Variants in ADAMTS18 observed in about 807,000 individuals in gnomAD.
ADAMTS18 encodes A disintegrin and metalloproteinase with thrombospondin motifs 18.
A neutral mutation model predicts 165.9 loss-of-function variants in ADAMTS18; 157 were observed. The observed-to-expected ratio is 0.95, with a 90% CI of 0.83 to 1.08. The LOEUF (loss-of-function observed/expected upper bound fraction) is 1.08. Ranked by LOEUF, ADAMTS18 falls within the 50% of genes least tolerant of loss-of-function variation. The probability of loss-of-function intolerance (pLI) is 0.00; values close to 1 mark genes in which losing one functional copy is unlikely to be tolerated. For synonymous variants in ADAMTS18, 782 were observed against 578.2 expected, an observed-to-expected ratio of 1.35 and a Z score of -5.06; for missense variants, 2,040 against 1,534.0, an observed-to-expected ratio of 1.33 and a Z score of -5.51.
At position 77,376,250 on chromosome 16, in the gene ADAMTS18, G is replaced by A. The variant is rs937761750; in HGVS notation, c.496-8527C>T. On this transcript the variant is annotated intron_variant, in intron 3 of 22. Coordinates refer to ENST00000282849, the MANE Select transcript of ADAMTS18 (RefSeq NM_199355.4). ...GAGCAGAAGGAAGAGAGAGTGAAGGGGTATGTGCTACACACTTTTAAACAA... is the reference window on the plus strand; with the variant it reads ...GAGCAGAAGGAAGAGAGAGTGAAGGAGTATGTGCTACACACTTTTAAACAA... Among the ~76,000 whole-genome samples, 20 of 152,108 alleles carry A rather than the reference G, an allele frequency of 1.3e-4. 1 individual carries two copies. Among genetic ancestry groups the A allele is most frequent in the Admixed American group, 8.5e-4 (13 of 15,276 alleles).
intron 4 of ADAMTS18, among the ~76,000 whole-genome samples, chr16:77,366,955 T>C (rs546720536): frequency 6.6e-6 from 1 of 152,302 alleles, no homozygotes; most frequent in East Asian, 1.9e-4. Flanking sequence ...TCGTGTTACA[T>C]TTCTATTGGA....
rs1440576626 is a variant in ADAMTS18 at position 77,341,780 on chromosome 16, C to G, written c.1634G>C (p.Trp545Ser). The G allele has an allele frequency of 6.2e-7, 1 of 1,612,298 alleles. No individual in the cohort carries two copies. Residue 545 changes from tryptophan (W) to serine (S), a missense_variant, in exon 11 of 23, where the codon TGG becomes TCG. Transcript: ENST00000282849. ...GFVKDICKSL[W>S]CHRVGHRCET... ...ACACCTGTGGCCTACTCGGTGGCACCAAAGTGATTTGCAAATATCCTGAAA... is the reference window on the plus strand; with the variant it reads ...ACACCTGTGGCCTACTCGGTGGCACGAAAGTGATTTGCAAATATCCTGAAA...
At chr16:77,331,319 TA>T (rs1567488298) in intron 12 of ADAMTS18, among the ~76,000 whole-genome samples, 2 of 152,164 alleles carry the variant, frequency 1.3e-5, no homozygotes, top group African/African-American at 4.8e-5. Flanking sequence ...ATTGAGATTG[TA>T]AAATGTTGTA....
chr16:77,338,218 A>G (rs187367315), intron 11 of ADAMTS18, among the ~76,000 whole-genome samples: 1 of 151,778 alleles, frequency 6.6e-6, no homozygotes, highest in African/African-American at 2.4e-5. Context: ...CTTTTCATAC[A>G]TACATATTTT....
intron 22 of ADAMTS18, 56 bp downstream of exon 22, chr16:77,289,207 CT>C: frequency 6.2e-7 from 1 of 1,605,718 alleles, no homozygotes; most frequent in East Asian, 2.2e-5. Flanking sequence ...ACAAAGTAGC[CT>C]TTGAAAAAAT....
chr16:77,364,243 AC>A lies in ADAMTS18; in HGVS notation c.916del (p.Val306TrpfsTer16), dbSNP rs868732406. The A allele has an allele frequency of 2.5e-6, 4 of 1,613,760 alleles. No individual in the cohort carries two copies. Among genetic ancestry groups the A allele is most frequent in the Admixed American group, 1.7e-5 (1 of 59,956 alleles). ...GACATTTCCCTTGCCATGCTTTTCC[AC>A]CATTTTCTTGTCTGCCACCACGAGG... ...ETLVVADKKM[V>X]EKHGKGNVTT... is the part of the protein sequence containing the mutation. On this transcript the variant is annotated frameshift_variant, in exon 5 of 23. Transcript: ENST00000282849. LOFTEE classifies it high-confidence loss of function.
chr16:77,427,253 G>A (rs2057685111), intron 3 of ADAMTS18, among the ~76,000 whole-genome samples: 1 of 152,100 alleles, frequency 6.6e-6, no homozygotes, highest in South Asian at 2.1e-4. Flanking sequence ...TCACTGTCCT[G>A]ACAAAAAGGA....
At chr16:77,418,080 G>T (rs1219419192) in intron 3 of ADAMTS18, among the ~76,000 whole-genome samples, 3 of 152,110 alleles carry the variant, frequency 2.0e-5, no homozygotes, top group Admixed American at 1.3e-4. Context: ...TAGAGATCCA[G>T]TCATTTTCAG....
chr16:77,434,288 G>A (rs2057770523), intron 2 of ADAMTS18, 130 bp downstream of exon 2: 1 of 1,091,278 alleles, frequency 9.2e-7, no homozygotes, highest in Admixed American at 2.1e-5. Context: ...CTCCAAACAG[G>A]AACCATTTCC....
chr16:77,367,909 C>G (rs1405489197), intron 3 of ADAMTS18, among the ~76,000 whole-genome samples, 186 bp from the exon 4 acceptor site: 1 of 152,168 alleles, frequency 6.6e-6, no homozygotes, highest in African/African-American at 2.4e-5. Flanking sequence ...ACAGGTCTCA[C>G]TTTAAAACCA....
intron 3 of ADAMTS18, among the ~76,000 whole-genome samples, chr16:77,373,836 C>T (rs749117204): frequency 1.3e-5 from 2 of 152,130 alleles, no homozygotes; most frequent in Non-Finnish European, 2.9e-5. Flanking sequence ...CCCCACCATC[C>T]CTCATATGCA....
chr16:77,290,901 A>G (rs2055349130), intron 21 of ADAMTS18: 1 of 275,776 alleles, frequency 3.6e-6, no homozygotes, highest in African/African-American at 2.2e-5. Flanking sequence ...TAAGAACCAA[A>G]TGAGTAAAGG....
intron 2 of ADAMTS18, among the ~76,000 whole-genome samples, chr16:77,432,984 T>C (rs1296662299): frequency 6.6e-6 from 1 of 152,194 alleles, no homozygotes; most frequent in East Asian, 1.9e-4. Flanking sequence ...CTCCCTCCTT[T>C]AACTAAAAAT....
chr16:77,314,788 A>ATATATATATATATATG (rs2055857442), intron 16 of ADAMTS18, among the ~76,000 whole-genome samples: 1 of 88,464 alleles, frequency 1.1e-5, no homozygotes, highest in African/African-American at 4.7e-5. Flanking sequence ...ATATATATAA[A>ATATATATATATATATG]ATATATGTGA....
chr16:77,363,621 G>T (rs2056748154), intron 6 of ADAMTS18, among the ~76,000 whole-genome samples, 181 bp downstream of exon 6: 1 of 150,518 alleles, frequency 6.6e-6, no homozygotes, highest in Non-Finnish European at 1.5e-5. Flanking sequence ...TATTTTTCTG[G>T]TGCTTTAGTT....
intron 12 of ADAMTS18, among the ~76,000 whole-genome samples, chr16:77,331,310 T>C (rs944695352): frequency 2.6e-5 from 4 of 152,164 alleles, no homozygotes; most frequent in South Asian, 2.1e-4. Flanking sequence ...TGGGAAAATA[T>C]TGAGATTGTA....
intron 3 of ADAMTS18, among the ~76,000 whole-genome samples, chr16:77,380,746 C>T (rs1276285056): frequency 6.6e-6 from 1 of 152,210 alleles, no homozygotes; most frequent in Admixed American, 6.5e-5. Flanking sequence ...TTCTCCCTGC[C>T]TTCCTTTAAC....
chr16:77,316,403 C>T (rs533850006), intron 16 of ADAMTS18, among the ~76,000 whole-genome samples: 4 of 152,002 alleles, frequency 2.6e-5, no homozygotes, highest in Admixed American at 6.6e-5. Flanking sequence ...TATAGGCATG[C>T]GCCACCATAC....
intron 18 of ADAMTS18, among the ~76,000 whole-genome samples, chr16:77,296,401 C>T (rs1434911562): frequency 3.3e-5 from 5 of 152,006 alleles, no homozygotes; most frequent in Non-Finnish European, 5.9e-5. Context: ...GGTTTCATGG[C>T]CCGCATAATA....
Sources: gnomAD v4.1 joint callset for allele counts (sites outside exome capture counted in the v4.1 genomes callset) on GRCh38, gnomAD v4.1.1 for gene constraint, MANE v1.5 for transcripts, NCBI Gene and HGNC (gene_info 2026-07-23, HGNC 2026-07-21) for gene names.